FLT4: variants seen among roughly 807,000 people sequenced by gnomAD.
The protein encoded by FLT4 is vascular endothelial growth factor receptor 3.
A neutral mutation model predicts 163.2 loss-of-function variants in FLT4; 30 were observed. The observed-to-expected ratio is 0.18, with a 90% CI of 0.14 to 0.25. The LOEUF is 0.25. Among genes scored for constraint, FLT4 ranks in the 10% least tolerant of loss-of-function variants. The pLI is 1.00. For synonymous variants in FLT4, 884 were observed against 789.5 expected, an observed-to-expected ratio of 1.12 and a Z score of -2.01; for missense variants, 1,510 against 1,863.8, an observed-to-expected ratio of 0.81 and a Z score of 3.50.
chr5:180,616,642 G>A (rs750925158), intron 22 of FLT4, among the ~76,000 whole-genome samples, 153 bp from the exon 23 acceptor site: 1 of 152,190 alleles, frequency 6.6e-6, no homozygotes, highest in Non-Finnish European at 1.5e-5. Context: ...CCATCTCCAG[G>A]ACTCATCATG....
chr5:180,611,596 G>GCCCCCGCCCTCAGCCCTCA (rs1561696704), intron 26 of FLT4, 117 bp from the exon 27 acceptor site: 1 of 1,014,226 alleles, frequency 9.9e-7, no homozygotes, highest in African/African-American at 2.6e-5. Flanking sequence ...CTCAGCCCTC[G>GCCCCCGCCCTCAGCCCTCA]CCCCCGCACT....
intron 1 of FLT4, among the ~76,000 whole-genome samples, chr5:180,639,591 T>G (rs925013123): frequency 5.3e-5 from 8 of 151,938 alleles, no homozygotes; most frequent in African/African-American, 1.9e-4. Context: ...GTTGGATGGA[T>G]GGAAAGTAGA....
rs760493135 is a variant in FLT4, at chr5:180,621,581, G to T, written c.1981C>A (p.His661Asn). ...YVCEVQDRRS[H>N]DKHCHKKYLS... ...TACTTCTTGTGGCAGTGCTTGTCAT[G>T]GCTGCGCCGGTCTTGCACTTCGCAC... Residue 661 changes from histidine (H) to asparagine (N), a missense_variant, in exon 13 of 30, where the codon CAT becomes AAT. His to Asn is a moderately conservative substitution (Grantham distance 68). Coordinates refer to ENST00000261937, the MANE Select transcript of FLT4 (RefSeq NM_182925.5). The T allele has an allele frequency of 1.2e-6, 2 of 1,611,892 alleles. No individual in the cohort carries two copies. The highest frequency in any genetic ancestry group is 1.7e-6 in the Non-Finnish European group (2 of 1,179,380).
intron 29 of FLT4, among the ~76,000 whole-genome samples, chr5:180,603,781 GT>G (rs1352692573): frequency 1.3e-5 from 2 of 152,132 alleles, no homozygotes; most frequent in African/African-American, 4.8e-5. Context: ...GCGGGCGCCT[GT>G]AGTCCCAGCT....
intron 23 of FLT4, among the ~76,000 whole-genome samples, chr5:180,615,077 C>T (rs1363558493): frequency 3.9e-5 from 6 of 152,204 alleles, no homozygotes; most frequent in African/African-American, 1.4e-4. Context: ...AGTCAGGACC[C>T]ACCGCACGGA....
intron 22 of FLT4, 77 bp downstream of exon 22, chr5:180,616,823 G>GCCAGTAC: frequency 9.0e-7 from 1 of 1,114,260 alleles, no homozygotes; most frequent in Non-Finnish European, 1.4e-6. Flanking sequence ...GCAGGGTGAG[G>GCCAGTAC]CCAGTACCAA....
chr5:180,645,658 C>T (rs984481204), intron 1 of FLT4, among the ~76,000 whole-genome samples: 11 of 152,140 alleles, frequency 7.2e-5, no homozygotes, highest in Non-Finnish European at 1.5e-4. Flanking sequence ...CAGACAGGGC[C>T]GGGGGTGTGC....
Position 180,622,936 on chromosome 5 carries a change from C to A in FLT4, c.1549-97G>T, listed in dbSNP as rs1175014547. ...GGAGGTCGCTGTGCACCACCCCCCC[C>A]AATCATGGGGGAAACTGAGGCTTTG... is the stretch of plus-strand genomic sequence containing the variant. On this transcript the variant is annotated intron_variant, in intron 11 of 29. Coordinates refer to ENST00000261937, the MANE Select transcript of FLT4 (RefSeq NM_182925.5). 2.3e-5 allele frequency: 18 copies of A among 784,452 alleles called. 1 individual carries two copies. The highest frequency in any genetic ancestry group is 1.5e-4 in the South Asian group (10 of 68,876). The allele number at this position is 784,452 out of a possible 1,614,324, so 48.6% of individuals were successfully genotyped here.
intron 23 of FLT4, among the ~76,000 whole-genome samples, chr5:180,615,785 CCGG>C: frequency 1.2e-4 from 2 of 16,756 alleles, no homozygotes; most frequent in Admixed American, 6.3e-4. Flanking sequence ...CTGGGCCCCG[CCGG>C]TCACCTCCCT....
At position 180,642,205 on chromosome 5, in the gene FLT4, T is replaced by TG. The variant is rs1337651396; in HGVS notation, c.58+7282dup. On this transcript the variant is annotated intron_variant, in intron 1 of 29. Transcript: ENST00000261937. ...TTGGGCGACAGAGTGAGACTCTGTG[T>TG]GAAAAAAAAAAAAAAAAGAATAAGC... Among the ~76,000 whole-genome samples the TG allele has an allele frequency of 1.8e-4, 24 of 135,288 alleles. No homozygotes were observed. The East Asian group carries it at 3.6e-3, about 20-fold the overall frequency. The allele number at this position is 135,288 out of a possible 152,430, so 88.8% of individuals were successfully genotyped here.
intron 2 of FLT4, among the ~76,000 whole-genome samples, chr5:180,631,439 C>G (rs1764148161): frequency 2.0e-5 from 3 of 151,962 alleles, no homozygotes; most frequent in South Asian, 4.2e-4. Flanking sequence ...CACCACTGCA[C>G]TCCAGCCTGG....
chr5:180,618,948 G>T, intron 20 of FLT4, 28 bp from the exon 21 acceptor site: 2 of 1,562,500 alleles, frequency 1.3e-6, no homozygotes, highest in East Asian at 4.8e-5. Flanking sequence ...TGGCTCGAGG[G>T]CGCCCAGTCG....
chr5:180,634,440 C>T lies in FLT4; in HGVS notation c.59-2662G>A, dbSNP rs527412775. Reference sequence around the variant, plus strand: ...TGGATGGGCCAGGCGTGGTGGCTCACGCCTGTCATCCCAGCACTTTGGGAG... The same window carrying T: ...TGGATGGGCCAGGCGTGGTGGCTCATGCCTGTCATCCCAGCACTTTGGGAG... On this transcript the variant is annotated intron_variant, in intron 1 of 29. Transcript: ENST00000261937. 2.6e-5 allele frequency among the ~76,000 whole-genome samples: 4 copies of T among 152,256 alleles called. No individual in the cohort carries two copies. In the East Asian group the frequency reaches 7.8e-4, roughly 30 times the overall value.
At chr5:180,618,725 C>A (rs1025131555) in intron 21 of FLT4, 45 bp downstream of exon 21, 1 of 1,561,552 alleles carries the variant, frequency 6.4e-7, no homozygotes, top group Admixed American at 1.9e-5. Context: ...GGGATATAAC[C>A]GGGCCCGTCA....
chr5:180,629,692 T>G lies in FLT4; in HGVS notation c.816+4A>C. 1.9e-6 allele frequency: 3 copies of G among 1,610,632 alleles called. No homozygotes were observed. Among genetic ancestry groups the G allele is most frequent in the Non-Finnish European group, 2.5e-6 (3 of 1,179,114 alleles). Reference sequence around the variant, plus strand: ...GGACAGCCTGGCAGCGCTGCTGACCTCACCTGCTTCCCTGGGTAGTCCCAG... The same window carrying G: ...GGACAGCCTGGCAGCGCTGCTGACCGCACCTGCTTCCCTGGGTAGTCCCAG... On this transcript the variant is annotated splice_donor_region_variant and intron_variant, in intron 6 of 29. Coordinates refer to ENST00000261937, the MANE Select transcript of FLT4 (RefSeq NM_182925.5).
rs201196147 is a variant in FLT4 at position 180,621,680 on chromosome 5, C to T, written c.1882G>A (p.Ala628Thr). 1.2e-6 allele frequency: 2 copies of T among 1,611,298 alleles called. No individual in the cohort carries two copies. Among genetic ancestry groups the T allele is most frequent in the East Asian group, 2.2e-5 (1 of 44,820 alleles). ...AGCGTGGCGTGGCGCGCCCCAGGTG[C>T]CACCTCCTCCAGGCTGGCGGCCAGA... The part of the protein sequence containing the change: ...TPLAASLEEV[A>T]PGARHATLSL... The change falls in exon 13 of 30, where the codon GCA (alanine) becomes ACA (threonine). Residue 628 changes from alanine (A) to threonine (T), a missense_variant. Ala to Thr is a moderately conservative substitution (Grantham distance 58). Coordinates refer to ENST00000261937, the MANE Select transcript of FLT4 (RefSeq NM_182925.5).
At position 180,623,852 on chromosome 5, in the gene FLT4, G is replaced by C. The variant is rs1056644692; in HGVS notation, c.1548+83C>G. ...GCTCTGCCCAGCACTCTGGAAGCCA[G>C]GTGGAAACCACATGGCAGTAATGGC... On this transcript the variant is annotated intron_variant, in intron 11 of 29. Transcript: ENST00000261937. This position sits in a 1 kb window ranked among gnomAD's most constrained non-coding sequence, Gnocchi z 5.8. 3.2e-6 allele frequency: 5 copies of C among 1,559,828 alleles called. No individual in the cohort carries two copies. In the African/African-American group the frequency reaches 5.4e-5, roughly 17 times the overall value.
intron 14 of FLT4, 42 bp downstream of exon 14, chr5:180,621,064 C>T (rs779985642): frequency 6.2e-6 from 10 of 1,612,194 alleles, no homozygotes; most frequent in East Asian, 2.2e-5. Flanking sequence ...GTCGGCCTCG[C>T]GGGCCTCCGG....
In FLT4 at chr5:180,629,329, C is replaced by T. The variant is rs764815567; in HGVS notation, c.915G>A (p.Leu305=). The change falls in exon 7 of 30, where the codon CTG becomes CTA. Residue 305 remains leucine, a synonymous_variant. Coordinates refer to ENST00000261937, the MANE Select transcript of FLT4 (RefSeq NM_182925.5). ...LTIHNVSQHD[L]GSYVCKANNG... is the part of the protein sequence containing the mutation. ...TGTTGGCCTTGCACACATACGAGCC[C>T]AGGTCGTGCTGGCTGACGTTGTGGA... The T allele has an allele frequency of 1.2e-6, 2 of 1,613,328 alleles. No homozygotes were observed. Among genetic ancestry groups the T allele is most frequent in the Non-Finnish European group, 1.7e-6 (2 of 1,180,012 alleles).
Sources: gnomAD v4.1 joint callset for allele counts (sites outside exome capture counted in the v4.1 genomes callset) on GRCh38, gnomAD v4.1.1 for gene constraint, Gnocchi (gnomAD v3.1) non-coding constraint, MANE v1.5 for transcripts, NCBI Gene and HGNC (gene_info 2026-07-23, HGNC 2026-07-21) for gene names.